GTF2A1L: variants seen among roughly 807,000 people sequenced by gnomAD.
GTF2A1L encodes the protein TFIIA-alpha and beta-like factor.
In GTF2A1L, 48 loss-of-function variants were observed where a neutral mutation model predicts 49.7. The ratio of observed to expected loss-of-function variants is 0.97; its 90% CI spans 0.77 to 1.23. The LOEUF (loss-of-function observed/expected upper bound fraction) is 1.23. Among genes scored for constraint, GTF2A1L ranks in the 50% most tolerant of loss-of-function variants. GTF2A1L has a pLI of 0.00. For synonymous variants in GTF2A1L, 246 were observed against 193.5 expected (o/e 1.27, Z -2.25); for missense variants, 736 against 564.8 (o/e 1.30, Z -3.07).
chr2:48,651,829 G>A (rs908169157), intron 6 of GTF2A1L, among the ~76,000 whole-genome samples: 4 of 152,150 alleles, frequency 2.6e-5, no homozygotes, highest in African/African-American at 9.7e-5. Context: ...ATTTTTGAGA[G>A]GGAGCAAAAG....
intron 1 of GTF2A1L, 35 bp from the exon 2 acceptor site, chr2:48,620,816 A>C: frequency 1.7e-6 from 2 of 1,170,658 alleles, no homozygotes; most frequent in Non-Finnish European, 2.2e-6. Flanking sequence ...TAAATAAATA[A>C]ATAAAATGAA....
rs555714050 is a variant in GTF2A1L, at chr2:48,672,420, C to T, written c.1329+740C>T. Among the ~76,000 whole-genome samples, 4 of 152,190 alleles carry T rather than the reference C, an allele frequency of 2.6e-5. No homozygotes were observed. The East Asian group carries it at 7.7e-4, about 29-fold the overall frequency. On this transcript the variant is annotated intron_variant, in intron 8 of 8. Transcript: ENST00000403751. ...ACTTGGTCTGAGGGACACTAGCCTT[C>T]TGAGAAGGTTATTGAGAAAATTGTA... is the stretch of plus-strand genomic sequence containing the variant.
In GTF2A1L at chr2:48,647,031, G is replaced by A. The variant is rs765534120; in HGVS notation, c.967G>A (p.Val323Ile). 1 of 1,606,138 alleles carries A rather than the reference G, an allele frequency of 6.2e-7. No homozygotes were observed. Among genetic ancestry groups the A allele is most frequent in the East Asian group, 2.2e-5 (1 of 44,866 alleles). ...TATAGAGGAACCCAGCAACATACCT[G>A]TATCAGAGAAGGTATAGTTCTGTGT... ...RNIEEPSNIP[V>I]SEKDSNSQVD... The change falls in exon 6 of 9, where the codon GTA (valine) becomes ATA (isoleucine). Residue 323 changes from valine (V) to isoleucine (I), a missense_variant. Transcript: ENST00000403751.
chr2:48,639,644 A>G (rs139456228), intron 3 of GTF2A1L, among the ~76,000 whole-genome samples: 1 of 152,328 alleles, frequency 6.6e-6, no homozygotes, highest in East Asian at 1.9e-4. Flanking sequence ...GAACAGGCAA[A>G]GATTTCATGA....
intron 3 of GTF2A1L, among the ~76,000 whole-genome samples, chr2:48,633,935 T>C (rs1371638475): frequency 2.6e-5 from 4 of 152,172 alleles, no homozygotes; most frequent in African/African-American, 4.8e-5. Context: ...TTGTCTTATA[T>C]AATAATAGTG....
chr2:48,636,581 A>G (rs1383527794), intron 3 of GTF2A1L, among the ~76,000 whole-genome samples: 1 of 152,224 alleles, frequency 6.6e-6, no homozygotes. Flanking sequence ...AAAACCAAAT[A>G]AAAATACTAA....
chr2:48,665,133 G>C (rs924419616), intron 6 of GTF2A1L, among the ~76,000 whole-genome samples: 1 of 152,056 alleles, frequency 6.6e-6, no homozygotes, highest in Non-Finnish European at 1.5e-5. Context: ...TGTTAGTCAG[G>C]CTGGTCTCCA....
chr2:48,650,525 C>T (rs1572738525), intron 6 of GTF2A1L, among the ~76,000 whole-genome samples: 1 of 151,990 alleles, frequency 6.6e-6, no homozygotes, highest in African/African-American at 2.4e-5. Flanking sequence ...CTTCTAAGTC[C>T]ACACATATTC....
chr2:48,660,094 T>TTG (rs200691430), intron 6 of GTF2A1L, among the ~76,000 whole-genome samples: 9 of 6,536 alleles, frequency 1.4e-3, no homozygotes, highest in East Asian at 0.091. Context: ...TTCAGTATGA[T>TTG]TTTTTTTTTA....
chr2:48,656,348 GTTTT>G (rs367837291), intron 6 of GTF2A1L, among the ~76,000 whole-genome samples: 1 of 114,560 alleles, frequency 8.7e-6, no homozygotes, highest in Admixed American at 8.9e-5. Context: ...CTTATTTTCT[GTTTT>G]TTTTTTTTTT....
In GTF2A1L at chr2:48,620,879, A is replaced by G. The variant is rs1209110244; in HGVS notation, c.50A>G (p.Asp17Gly). ...VPKLYRSVIE[D>G]VIEGVRNLFA... ...AAACTCTACAGATCTGTAATTGAAG[A>G]TGTAATTGAAGGAGTTCGGAATCTA... The change falls in exon 2 of 9, where the codon GAT (aspartate) becomes GGT (glycine). Residue 17 changes from aspartate to glycine, a missense_variant. Coordinates refer to ENST00000403751, the MANE Select transcript of GTF2A1L (RefSeq NM_006872.5). 1.3e-6 allele frequency: 2 copies of G among 1,596,878 alleles called. No homozygotes were observed. Among genetic ancestry groups the G allele is most frequent in the Non-Finnish European group, 1.7e-6 (2 of 1,172,074 alleles).
chr2:48,635,408 G>A (rs572482692), intron 3 of GTF2A1L, among the ~76,000 whole-genome samples: 3 of 152,218 alleles, frequency 2.0e-5, no homozygotes, highest in Non-Finnish European at 4.4e-5. Context: ...GGTCACGCAA[G>A]CAGGTGCCCT....
At chr2:48,625,894 G>A (rs917049651) in intron 3 of GTF2A1L, among the ~76,000 whole-genome samples, 2 of 143,674 alleles carry the variant, frequency 1.4e-5, no homozygotes, top group African/African-American at 5.0e-5. Flanking sequence ...ATTTATTTTC[G>A]CTTTTGTAGC....
In GTF2A1L at chr2:48,679,596, A is replaced by G. The variant is rs1018921089; in HGVS notation, c.*154A>G. Reference sequence around the variant, plus strand: ...TAATAAAATTATAATTCAGATGCAGATACAATTACACAATTTTATATGTAT... The same window carrying G: ...TAATAAAATTATAATTCAGATGCAGGTACAATTACACAATTTTATATGTAT... On this transcript the variant is annotated 3_prime_UTR_variant, in exon 9 of 9. Transcript: ENST00000403751. 7.1e-7 allele frequency: 1 copy of G among 1,398,640 alleles called. No individual in the cohort carries two copies. The highest frequency in any genetic ancestry group is 9.3e-7 in the Non-Finnish European group (1 of 1,079,778). The allele number at this position is 1,398,640 out of a possible 1,614,324, so 86.6% of individuals were successfully genotyped here.
intron 6 of GTF2A1L, among the ~76,000 whole-genome samples, chr2:48,661,131 G>T (rs2104270448): frequency 6.8e-6 from 1 of 147,378 alleles, no homozygotes; most frequent in East Asian, 2.0e-4. Context: ...GTTTTGATTT[G>T]TTCTCTCCTT....
At chr2:48,646,313 C>A (rs1234566914) in intron 5 of GTF2A1L, 140 bp from the exon 6 acceptor site, 1 of 647,058 alleles carries the variant, frequency 1.5e-6, no homozygotes, top group Non-Finnish European at 2.4e-6. Context: ...AAAAGAAAAA[C>A]CCCTAGAGAT....
At chr2:48,655,095 G>C (rs765580192) in intron 6 of GTF2A1L, among the ~76,000 whole-genome samples, 6 of 151,738 alleles carry the variant, frequency 4.0e-5, no homozygotes, top group Non-Finnish European at 7.4e-5. Flanking sequence ...GGGAATTGAC[G>C]TCTTCACAAT....
intron 1 of GTF2A1L, among the ~76,000 whole-genome samples, chr2:48,619,122 G>A (rs1260943875): frequency 2.0e-5 from 3 of 152,090 alleles, no homozygotes; most frequent in South Asian, 2.1e-4. Flanking sequence ...TGGCCTATTC[G>A]TATAGGTTTA....
intron 8 of GTF2A1L, among the ~76,000 whole-genome samples, chr2:48,677,641 T>G (rs1679542540): frequency 6.6e-6 from 1 of 152,046 alleles, no homozygotes; most frequent in Admixed American, 6.6e-5. Flanking sequence ...ATCCTGTTTA[T>G]AGTAGACTGA....
Sources: gnomAD v4.1 joint callset for allele counts (sites outside exome capture counted in the v4.1 genomes callset) on GRCh38, gnomAD v4.1.1 for gene constraint, MANE v1.5 for transcripts, NCBI Gene and HGNC (gene_info 2026-07-23, HGNC 2026-07-21) for gene names.